Variants in ADCY8 observed in about 807,000 individuals in gnomAD.
The protein encoded by ADCY8 is adenylate cyclase 8, also known as adenylate cyclase type 8.
A neutral mutation model predicts 119.7 loss-of-function variants in ADCY8; 51 were observed. The ratio of observed to expected loss-of-function variants is 0.43; its 90% CI spans 0.34 to 0.54. ADCY8 has a LOEUF of 0.54. Among genes scored for constraint, ADCY8 ranks in the 20% least tolerant of loss-of-function variants. The probability of loss-of-function intolerance (pLI) is 0.03; values close to 1 mark genes in which losing one functional copy is unlikely to be tolerated. For missense variants in ADCY8, 1,383 were observed against 1,598.8 expected, an observed-to-expected ratio of 0.87 and a Z score of 2.30; for synonymous variants, 665 against 651.0, an observed-to-expected ratio of 1.02 and a Z score of -0.33.
chr8:130,783,395 C>A (rs1815151107), intron 17 of ADCY8, among the ~76,000 whole-genome samples: 2 of 152,188 alleles, frequency 1.3e-5, no homozygotes, highest in African/African-American at 4.8e-5. Context: ...CTATGCACGA[C>A]CTTGCATGGG....
chr8:130,859,092 G>T (rs528038977), intron 9 of ADCY8, among the ~76,000 whole-genome samples: 2 of 152,226 alleles, frequency 1.3e-5, no homozygotes, highest in Non-Finnish European at 1.5e-5. Flanking sequence ...ACCAAGATGT[G>T]AGTGGTAGAT....
At chr8:131,007,834 G>C (rs1385188621) in intron 1 of ADCY8, among the ~76,000 whole-genome samples, 3 of 152,140 alleles carry the variant, frequency 2.0e-5, no homozygotes, top group Non-Finnish European at 4.4e-5. Flanking sequence ...GTCTGGTGAG[G>C]AAGGCAGACA....
intron 3 of ADCY8, among the ~76,000 whole-genome samples, chr8:130,950,723 T>G (rs1821243885): frequency 6.6e-6 from 1 of 152,200 alleles, no homozygotes. Flanking sequence ...TTTTTTGAGA[T>G]AGAGTCTTGC....
chr8:130,786,640 G>C (rs538999627), intron 15 of ADCY8, among the ~76,000 whole-genome samples: 1 of 152,202 alleles, frequency 6.6e-6, no homozygotes, highest in Non-Finnish European at 1.5e-5. Context: ...TATTCATTGA[G>C]TTCTTATATG....
At chr8:131,018,430 C>T (rs1289671156) in intron 1 of ADCY8, among the ~76,000 whole-genome samples, 1 of 152,202 alleles carries the variant, frequency 6.6e-6, no homozygotes, top group Non-Finnish European at 1.5e-5. Context: ...GTTGGCCACA[C>T]TACCCTCCCC....
chr8:130,857,102 G>C (rs1167051279), intron 9 of ADCY8, among the ~76,000 whole-genome samples: 1 of 136,616 alleles, frequency 7.3e-6, no homozygotes, highest in Non-Finnish European at 1.6e-5. Flanking sequence ...TGGGGTGGGG[G>C]AGGGGGGAGG....
In ADCY8 at chr8:130,903,664, C is replaced by T. The variant is rs530989989; in HGVS notation, c.1911+108G>A. The stretch of plus-strand genomic sequence containing the variant: ...TTTGATCATTTGCAATTATGGTGTT[C>T]ATTGGAGAAAAGGTTAAAGATGAAT... On this transcript the variant is annotated intron_variant, in intron 7 of 17. Coordinates refer to ENST00000286355, the MANE Select transcript of ADCY8 (RefSeq NM_001115.3). 9.3e-5 allele frequency: 117 copies of T among 1,258,026 alleles called. 1 individual carries two copies. The African/African-American group carries it at 1.7e-3, about 18-fold the overall frequency. 77.9% of individuals were successfully genotyped at this position (1,258,026 alleles called of 1,614,324 possible).
chr8:130,907,948 ATGTACT>A (rs1819844710), intron 6 of ADCY8, among the ~76,000 whole-genome samples: 1 of 152,008 alleles, frequency 6.6e-6, no homozygotes, highest in South Asian at 2.1e-4. Flanking sequence ...TTATGTCCAT[ATGTACT>A]CAATGTTTAG....
At position 130,969,614 on chromosome 8, in the gene ADCY8, T is replaced by C. The variant is rs547911219; in HGVS notation, c.1111-17616A>G. Among the ~76,000 whole-genome samples the C allele has an allele frequency of 4.6e-5, 7 of 152,324 alleles. No homozygotes were observed. The East Asian group carries it at 9.6e-4, about 21-fold the overall frequency. Reference sequence around the variant, plus strand: ...CCAAATGTGTTCCTGGCCACAATGATTTGCCAAAAATAGATTGTAACCTGG... The same window carrying C: ...CCAAATGTGTTCCTGGCCACAATGACTTGCCAAAAATAGATTGTAACCTGG... On this transcript the variant is annotated intron_variant, in intron 2 of 17. Coordinates refer to ENST00000286355, the MANE Select transcript of ADCY8 (RefSeq NM_001115.3).
chr8:130,800,331 CAAA>C, intron 15 of ADCY8, 92 bp downstream of exon 15: 2 of 1,350,754 alleles, frequency 1.5e-6, no homozygotes, highest in Non-Finnish European at 2.0e-6. Flanking sequence ...CCGTTAAGTG[CAAA>C]AAAAAAAAAT....
chr8:130,872,988 T>G (rs571038624), intron 8 of ADCY8, among the ~76,000 whole-genome samples: 13 of 152,302 alleles, frequency 8.5e-5, no homozygotes, highest in African/African-American at 2.9e-4. Context: ...GTCAATGGGT[T>G]TTTAGATCCA....
At chr8:130,822,404 T>A (rs1441573772) in intron 12 of ADCY8, among the ~76,000 whole-genome samples, 1 of 151,896 alleles carries the variant, frequency 6.6e-6, no homozygotes, top group African/African-American at 2.4e-5. Flanking sequence ...GAGGAGAGAG[T>A]GCTAACAGAG....
intron 10 of ADCY8, among the ~76,000 whole-genome samples, chr8:130,848,006 A>G (rs1189158039): frequency 6.6e-6 from 1 of 152,220 alleles, no homozygotes; most frequent in Admixed American, 6.5e-5. Context: ...TAGGAAAAGA[A>G]TAACTACCAT....
intron 17 of ADCY8, among the ~76,000 whole-genome samples, chr8:130,783,390 C>A (rs779971946): frequency 1.3e-5 from 2 of 152,214 alleles, no homozygotes; most frequent in Non-Finnish European, 2.9e-5. Context: ...CATCTCTATG[C>A]ACGACCTTGC....
At chr8:131,018,877 A>G (rs1823562885) in intron 1 of ADCY8, among the ~76,000 whole-genome samples, 1 of 152,202 alleles carries the variant, frequency 6.6e-6, no homozygotes, top group South Asian at 2.1e-4. Context: ...TTAACATATA[A>G]GGAAGGGCAT....
intron 1 of ADCY8, among the ~76,000 whole-genome samples, chr8:131,009,168 C>T (rs913807728): frequency 6.6e-6 from 1 of 152,186 alleles, no homozygotes; most frequent in Non-Finnish European, 1.5e-5. Flanking sequence ...AAAATGTCTG[C>T]AGGGCATGTC....
chr8:130,818,222 T>C (rs1816404170), intron 13 of ADCY8, among the ~76,000 whole-genome samples: 1 of 152,202 alleles, frequency 6.6e-6, no homozygotes, highest in South Asian at 2.1e-4. Context: ...AGCAAGAATA[T>C]TTGGTTCCAA....
At chr8:130,799,798 T>C (rs1586425018) in intron 15 of ADCY8, among the ~76,000 whole-genome samples, 1 of 152,336 alleles carries the variant, frequency 6.6e-6, no homozygotes, top group Admixed American at 6.5e-5. Flanking sequence ...TAGCATTTTC[T>C]CAGTGAATCA....
At chr8:130,924,373 C>A (rs992013769) in intron 5 of ADCY8, among the ~76,000 whole-genome samples, 7 of 152,190 alleles carry the variant, frequency 4.6e-5, no homozygotes, top group Non-Finnish European at 8.8e-5. Context: ...AAACCTCTGG[C>A]TCATTCCCCT....
Sources: allele counts gnomAD v4.1 joint callset (sites outside exome capture counted in the v4.1 genomes callset), GRCh38; gene constraint gnomAD v4.1.1; transcripts MANE v1.5; gene names NCBI Gene and HGNC (gene_info 2026-07-23, HGNC 2026-07-21).